The following SUMF1 variants were observed in gnomAD, a reference collection of about 807,000 sequenced individuals.
The protein encoded by SUMF1 is formylglycine-generating enzyme.
Under a neutral mutation model 47.6 loss-of-function variants are expected in SUMF1, and 48 were observed. That is an observed-to-expected ratio of 1.01 (90% confidence interval 0.80 to 1.28). SUMF1 has a LOEUF of 1.28. Among genes scored for constraint, SUMF1 ranks in the 50% most tolerant of loss-of-function variants. The pLI is 0.00. For missense variants in SUMF1, 571 were observed against 485.4 expected (o/e 1.18, Z -1.66); for synonymous variants, 230 against 192.1 (o/e 1.20, Z -1.63).
At chr3:4,142,735 T>C (rs1205881676) in intron 8 of SUMF1, among the ~76,000 whole-genome samples, 1 of 151,824 alleles carries the variant, frequency 6.6e-6, no homozygotes, top group African/African-American at 2.4e-5. Context: ...AAGAATCTCG[T>C]GAATGCTACA....
At chr3:4,173,437 G>A (rs1694877343) in intron 8 of SUMF1, among the ~76,000 whole-genome samples, 1 of 152,150 alleles carries the variant, frequency 6.6e-6, no homozygotes. Context: ...GGGTGGGAGT[G>A]TAAATTAGTT....
chr3:4,043,058 T>G (rs900111296), intron 9 of SUMF1, among the ~76,000 whole-genome samples: 1 of 152,000 alleles, frequency 6.6e-6, no homozygotes, highest in Non-Finnish European at 1.5e-5. Flanking sequence ...GAGAGCAGAG[T>G]TGAGCATTCG....
At chr3:4,246,584 T>C (rs313648) in intron 8 of SUMF1, among the ~76,000 whole-genome samples, 25,248 of 151,988 alleles carry the variant, frequency 0.17, 2,412 homozygotes, top group South Asian at 0.38. Flanking sequence ...GTATTTTTAG[T>C]AGAGACAGGG....
chr3:4,253,294 G>A (rs1467533640), intron 8 of SUMF1, among the ~76,000 whole-genome samples: 1 of 152,216 alleles, frequency 6.6e-6, no homozygotes, highest in Non-Finnish European at 1.5e-5. Context: ...CCGGTCTACA[G>A]CTCCCAGCGT....
intron 8 of SUMF1, among the ~76,000 whole-genome samples, chr3:4,266,084 T>C (rs1164072750): frequency 2.0e-5 from 3 of 152,320 alleles, no homozygotes; most frequent in East Asian, 3.9e-4. Context: ...GTTCCATTGA[T>C]CTAGATCTCT....
intron 9 of SUMF1, among the ~76,000 whole-genome samples, chr3:4,043,194 C>T (rs551884098): frequency 5.3e-5 from 8 of 152,042 alleles, no homozygotes; most frequent in Non-Finnish European, 1.0e-4. Flanking sequence ...AACACTGGAT[C>T]CCCATGCTCA....
At chr3:4,231,306 A>T (rs140728322) in intron 8 of SUMF1, among the ~76,000 whole-genome samples, 1 of 152,274 alleles carries the variant, frequency 6.6e-6, no homozygotes, top group African/African-American at 2.4e-5. Context: ...TAATGAAATG[A>T]GATCATTGTA....
intron 1 of SUMF1, among the ~76,000 whole-genome samples, chr3:4,456,690 G>A (rs1176722608): frequency 7.3e-6 from 1 of 136,840 alleles, no homozygotes; most frequent in African/African-American, 2.8e-5. Context: ...ATATATATGT[G>A]TGTATATATA....
intron 8 of SUMF1, among the ~76,000 whole-genome samples, chr3:4,367,945 A>G (rs986978691): frequency 6.6e-6 from 1 of 152,096 alleles, no homozygotes; most frequent in Non-Finnish European, 1.5e-5. Context: ...TCATGTCTAA[A>G]ACACCAAAAG....
chr3:4,064,388 A>G (rs1351411776), intron 9 of SUMF1, among the ~76,000 whole-genome samples: 1 of 152,114 alleles, frequency 6.6e-6, no homozygotes, highest in African/African-American at 2.4e-5. Flanking sequence ...GTTACCATAT[A>G]TGGTCTAAAA....
chr3:4,144,958 G>A (rs1460589591), intron 8 of SUMF1, among the ~76,000 whole-genome samples: 1 of 152,018 alleles, frequency 6.6e-6, no homozygotes, highest in Non-Finnish European at 1.5e-5. Flanking sequence ...CCAGCACTTT[G>A]GGAGGCCAAG....
At chr3:4,256,647 C>A (rs1696960306) in intron 8 of SUMF1, among the ~76,000 whole-genome samples, 1 of 151,710 alleles carries the variant, frequency 6.6e-6, no homozygotes, top group South Asian at 2.1e-4. Context: ...CAAATAGAGT[C>A]CAGGACCAGA....
chr3:4,092,159 C>T (rs1009260058), intron 8 of SUMF1, among the ~76,000 whole-genome samples: 2 of 152,110 alleles, frequency 1.3e-5, no homozygotes, highest in African/African-American at 4.8e-5. Context: ...GCTTGTCCTG[C>T]TCCATAGCTC....
Position 4,361,682 on chromosome 3 carries a change from TC to T in SUMF1, c.*461del. ...CTAAAAAATAATCTATAATAAATTC[TC>T]ACTATGAAGTCACAATAGAATCTGA... On this transcript the variant is annotated 3_prime_UTR_variant, in exon 9 of 9. Transcript: ENST00000272902. 3.4e-5 allele frequency: 1 copy of T among 29,136 alleles called. No individual in the cohort carries two copies. Among genetic ancestry groups the T allele is most frequent in the Non-Finnish European group, 5.5e-5 (1 of 18,250 alleles). 1.8% of individuals were successfully genotyped at this position (29,136 alleles called of 1,614,324 possible). A position where few individuals can be genotyped will look rare whatever the true frequency, so the allele number is the denominator to read the frequency against.
chr3:4,109,778 G>A (rs1693248800), intron 8 of SUMF1, among the ~76,000 whole-genome samples: 1 of 152,072 alleles, frequency 6.6e-6, no homozygotes, highest in African/African-American at 2.4e-5. Context: ...AGCTCCATCA[G>A]GTCATTTAAG....
In SUMF1 at chr3:4,274,889, A is replaced by T. The variant is rs1242220667; in HGVS notation, c.1014+101441T>A. ...AGTGTTTAGGGTCAAAATATTTATTACGGAATAACACCAATGAAAGGAGGG... is the reference window on the plus strand; with the variant it reads ...AGTGTTTAGGGTCAAAATATTTATTTCGGAATAACACCAATGAAAGGAGGG... On this transcript the variant is annotated intron_variant and NMD_transcript_variant, in intron 8 of 12. Transcript: ENST00000448413. Among the ~76,000 whole-genome samples the T allele has an allele frequency of 4.6e-5, 7 of 152,312 alleles. No homozygotes were observed. The East Asian group carries it at 1.3e-3, about 29-fold the overall frequency.
At position 4,348,824 on chromosome 3, in the gene SUMF1, A is replaced by G. The variant is rs370534228; in HGVS notation, c.1014+27506T>C. 6.5e-4 allele frequency among the ~76,000 whole-genome samples: 99 copies of G among 152,330 alleles called. 1 individual carries two copies. Among genetic ancestry groups the G allele is most frequent in the African/African-American group, 2.3e-3 (94 of 41,568 alleles). On this transcript the variant is annotated intron_variant and NMD_transcript_variant, in intron 8 of 12. Coordinates refer to the SUMF1 transcript ENST00000448413. ...CAGAAGGCAGAGGTTGCGGTGAGCC[A>G]AGATCACGCCATTGCACTCCAGCCT...
chr3:4,248,742 T>C (rs956834309), intron 8 of SUMF1, among the ~76,000 whole-genome samples: 2 of 152,054 alleles, frequency 1.3e-5, no homozygotes, highest in African/African-American at 4.8e-5. Context: ...TCTAGCAACA[T>C]GGGGTGGCTA....
chr3:4,159,899 G>T (rs895625009), intron 8 of SUMF1, among the ~76,000 whole-genome samples: 4 of 152,074 alleles, frequency 2.6e-5, no homozygotes, highest in Admixed American at 6.6e-5. Context: ...GGCCTATACA[G>T]TTTCCACTGA....
Sources: allele counts gnomAD v4.1 joint callset (sites outside exome capture counted in the v4.1 genomes callset), GRCh38; gene constraint gnomAD v4.1.1; transcripts MANE v1.5; gene names NCBI Gene and HGNC (gene_info 2026-07-23, HGNC 2026-07-21).